The following WWTR1 variants were observed in gnomAD, a reference collection of about 807,000 sequenced individuals.
WWTR1 encodes WW domain-containing transcription regulator protein 1.
In WWTR1, 13 loss-of-function variants were observed where a neutral mutation model predicts 40.1. The ratio of observed to expected loss-of-function variants is 0.32; its 90% CI spans 0.21 to 0.52. The LOEUF (loss-of-function observed/expected upper bound fraction) is 0.52, where lower values mean the gene tolerates loss of function less well. Ranked by LOEUF, WWTR1 falls within the 20% of genes least tolerant of loss-of-function variation. WWTR1 has a pLI of 0.97. For missense variants in WWTR1, 436 were observed against 523.1 expected, an observed-to-expected ratio of 0.83 and a Z score of 1.63; for synonymous variants, 230 against 210.1, an observed-to-expected ratio of 1.09 and a Z score of -0.82.
chr3:149,566,409 TG>T (rs1442150136), intron 3 of WWTR1, among the ~76,000 whole-genome samples: 1 of 152,284 alleles, frequency 6.6e-6, no homozygotes, highest in African/African-American at 2.4e-5. Flanking sequence ...TTTGTTTGTT[TG>T]TCTCTGGGTT....
At chr3:149,620,020 C>T (rs543085637) in intron 2 of WWTR1, among the ~76,000 whole-genome samples, 19 of 152,292 alleles carry the variant, frequency 1.2e-4, no homozygotes, top group Admixed American at 4.6e-4. Flanking sequence ...AACATCTACA[C>T]GCTTTGATGT....
chr3:149,657,422 G>T (rs1022851379), intron 1 of WWTR1, 113 bp from the exon 2 acceptor site: 2 of 1,262,718 alleles, frequency 1.6e-6, no homozygotes, highest in Non-Finnish European at 2.1e-6. Flanking sequence ...AAAAGGAAAC[G>T]AGGAGACAGA....
chr3:149,602,985 GATAAATAA>G (rs10573108), intron 2 of WWTR1, among the ~76,000 whole-genome samples: 14,307 of 151,592 alleles, frequency 0.094, 1,635 homozygotes, highest in African/African-American at 0.26. Context: ...TAAAGCCAAA[GATAAATAA>G]ATAAATAAAT....
chr3:149,622,529 G>GAAAGAAAGAAAGA (rs1332202050), intron 2 of WWTR1, among the ~76,000 whole-genome samples: 2 of 149,512 alleles, frequency 1.3e-5, no homozygotes, highest in Non-Finnish European at 3.0e-5. Context: ...AAGAAAGAAA[G>GAAAGAAAGAAAGA]AAAGAAAGAA....
At chr3:149,693,470 G>GAA (rs71138405) in intron 1 of WWTR1, among the ~76,000 whole-genome samples, 17 of 151,440 alleles carry the variant, frequency 1.1e-4, no homozygotes, top group East Asian at 3.9e-4. Flanking sequence ...CACATAAACA[G>GAA]AAAAAAAAAT....
chr3:149,625,153 G>T (rs545502640), intron 2 of WWTR1, among the ~76,000 whole-genome samples: 2 of 116,240 alleles, frequency 1.7e-5, no homozygotes, highest in South Asian at 5.5e-4. Context: ...ACGGAGTCTC[G>T]CTCTGTTGCC....
intron 2 of WWTR1, among the ~76,000 whole-genome samples, chr3:149,618,050 G>T (rs1258139970): frequency 1.3e-5 from 2 of 152,096 alleles, no homozygotes; most frequent in African/African-American, 4.8e-5. Flanking sequence ...AATTAACAAA[G>T]AACTATAATT....
At chr3:149,531,861 A>T (rs184311906) in intron 4 of WWTR1, among the ~76,000 whole-genome samples, 1 of 152,352 alleles carries the variant, frequency 6.6e-6, no homozygotes, top group East Asian at 1.9e-4. Context: ...AGTGCTAGGC[A>T]TACAGTGGGT....
intron 2 of WWTR1, among the ~76,000 whole-genome samples, chr3:149,621,211 A>G (rs886181815): frequency 1.1e-4 from 17 of 152,250 alleles, no homozygotes; most frequent in African/African-American, 4.1e-4. Context: ...GGCCTCCCTT[A>G]TAAAGAAACA....
chr3:149,567,358 A>G (rs528409185), intron 3 of WWTR1, among the ~76,000 whole-genome samples: 7 of 152,288 alleles, frequency 4.6e-5, no homozygotes, highest in African/African-American at 1.4e-4. Context: ...TTCACTTAGA[A>G]CTCAGAAGTG....
At chr3:149,550,782 C>A (rs1736585854) in intron 3 of WWTR1, among the ~76,000 whole-genome samples, 1 of 115,530 alleles carries the variant, frequency 8.7e-6, no homozygotes, top group African/African-American at 3.6e-5. Context: ...TATCTGCTGA[C>A]ATTTTCCATA....
At chr3:149,724,198 T>C (rs1715821856) in exon 4 of WWTR1, 1 of 152,306 alleles carries the variant, frequency 6.6e-6, no homozygotes, top group African/African-American at 2.4e-5. Context: ...AAACTTTTTA[T>C]AGTGAAAAAT....
At chr3:149,571,214 C>CTTTTTTT (rs10535515) in intron 3 of WWTR1, among the ~76,000 whole-genome samples, 18 of 101,248 alleles carry the variant, frequency 1.8e-4, no homozygotes, top group East Asian at 6.7e-4. Context: ...TTTTTCTTTT[C>CTTTTTTT]TTTTTTTTTT....
chr3:149,562,925 C>T (rs747738316), intron 3 of WWTR1, among the ~76,000 whole-genome samples: 4 of 151,974 alleles, frequency 2.6e-5, no homozygotes, highest in South Asian at 2.1e-4. Context: ...TTACCAGGGA[C>T]GCCAAAGAGG....
chr3:149,563,782 G>A (rs903455526), intron 3 of WWTR1, among the ~76,000 whole-genome samples: 62 of 151,954 alleles, frequency 4.1e-4, no homozygotes, highest in Admixed American at 9.8e-4. Flanking sequence ...GGCGGAGTCT[G>A]GCTCTGTCAC....
upstream of WWTR1, among the ~76,000 whole-genome samples, chr3:149,705,110 T>G (rs993379968): frequency 1.3e-5 from 2 of 151,860 alleles, no homozygotes; most frequent in African/African-American, 4.8e-5. Context: ...AAAATAAAGC[T>G]AAAAGACAAA....
At chr3:149,711,735 T>C (rs2108231432) in intron 5 of WWTR1, among the ~76,000 whole-genome samples, 1 of 152,360 alleles carries the variant, frequency 6.6e-6, no homozygotes, top group Middle Eastern at 3.4e-3. Flanking sequence ...CATTTTCTTC[T>C]CTTGGCTTCT....
chr3:149,714,614 C>T (rs1249181676), intron 5 of WWTR1, among the ~76,000 whole-genome samples: 1 of 152,210 alleles, frequency 6.6e-6, no homozygotes, highest in East Asian at 1.9e-4. Flanking sequence ...TGGCGCTGGC[C>T]TGCAGGTGCC....
At position 149,632,056 on chromosome 3, in the gene WWTR1, G is replaced by A. The variant is rs777335131; in HGVS notation, c.431+24820C>T. Among the ~76,000 whole-genome samples, 121 of 151,982 alleles carry A rather than the reference G, an allele frequency of 8.0e-4. 1 individual carries two copies. Among genetic ancestry groups the A allele is most frequent in the African/African-American group, 1.1e-3 (45 of 41,458 alleles). Reference sequence around the variant, plus strand: ...CCCCTGAGTAGCTGGGACTACAGGCGCCCACCACTATCCACAGCTAATTTT... The same window carrying A: ...CCCCTGAGTAGCTGGGACTACAGGCACCCACCACTATCCACAGCTAATTTT... On this transcript the variant is annotated intron_variant, in intron 2 of 6. Coordinates refer to ENST00000360632, the MANE Select transcript of WWTR1 (RefSeq NM_015472.6).
Sources: gnomAD v4.1 joint callset for allele counts (sites outside exome capture counted in the v4.1 genomes callset) on GRCh38, gnomAD v4.1.1 for gene constraint, MANE v1.5 for transcripts, NCBI Gene and HGNC (gene_info 2026-07-23, HGNC 2026-07-21) for gene names.